The following HNF4G variants were observed in gnomAD, a reference collection of about 807,000 sequenced individuals.
HNF4G encodes the protein hepatocyte nuclear factor 4-gamma.
Under a neutral mutation model 50.9 loss-of-function variants are expected in HNF4G, and 21 were observed. That is an observed-to-expected ratio of 0.41 (90% CI 0.29 to 0.59). The LOEUF (loss-of-function observed/expected upper bound fraction) is 0.59. Ranked by LOEUF, HNF4G falls within the 20% of genes least tolerant of loss-of-function variation. The pLI is 0.26. For synonymous variants in HNF4G, 198 were observed against 185.6 expected (o/e 1.07, Z -0.54); for missense variants, 527 against 559.4 (o/e 0.94, Z 0.58).
In HNF4G at chr8:75,512,707, G is replaced by T. The variant is rs113210355; in HGVS notation, c.-24+22499G>T. 9.3e-3 allele frequency among the ~76,000 whole-genome samples: 1,409 copies of T among 151,866 alleles called. 20 individuals are homozygous for T. The highest frequency in any genetic ancestry group is 0.032 in the African/African-American group (1,325 of 41,418). ...TCTCGATATCCTGACCTCGAGATCC[G>T]CCCGCCTCCACCTCCCGAACTGCTG... On this transcript the variant is annotated intron_variant, in intron 2 of 10. Coordinates refer to the HNF4G transcript ENST00000354370.
intron 1 of HNF4G, among the ~76,000 whole-genome samples, chr8:75,437,260 G>A (rs189481469): frequency 1.3e-4 from 20 of 152,106 alleles, no homozygotes; most frequent in Non-Finnish European, 2.5e-4. Context: ...AAACATATTC[G>A]CACGTATCTA....
intron 1 of HNF4G, among the ~76,000 whole-genome samples, chr8:75,449,512 T>G (rs1458995971): frequency 6.9e-6 from 1 of 144,994 alleles, no homozygotes; most frequent in Non-Finnish European, 1.5e-5. Flanking sequence ...TTTTTTTCTT[T>G]TTTTTTTTTT....
intron 1 of HNF4G, among the ~76,000 whole-genome samples, chr8:75,542,825 G>T (rs990467241): frequency 6.6e-6 from 1 of 152,208 alleles, no homozygotes; most frequent in Non-Finnish European, 1.5e-5. Context: ...GCAGGCTGTT[G>T]CCATAATCTA....
intron 2 of HNF4G, among the ~76,000 whole-genome samples, chr8:75,531,776 G>T (rs887088990): frequency 6.6e-6 from 1 of 152,046 alleles, no homozygotes; most frequent in Non-Finnish European, 1.5e-5. Flanking sequence ...AAAAGGATGT[G>T]CATAGATTAT....
At chr8:75,483,107 TATAACAAAACA>T (rs2130662084) in intron 1 of HNF4G, among the ~76,000 whole-genome samples, 1 of 152,302 alleles carries the variant, frequency 6.6e-6, no homozygotes, top group African/African-American at 2.4e-5. Flanking sequence ...ATGATTTGTT[TATAACAAAACA>T]ATAGCTCTTT....
rs75188498 is a variant in HNF4G at position 75,504,543 on chromosome 8, T to C, written c.-24+14335T>C. Among the ~76,000 whole-genome samples, 1,170 of 152,248 alleles carry C rather than the reference T, an allele frequency of 7.7e-3. 52 individuals carry two copies. The East Asian group carries it at 0.14, about 18-fold the overall frequency. On this transcript the variant is annotated intron_variant, in intron 2 of 10. Transcript: ENST00000354370. ...ACTTTTTGGGGGAGGGCAATTTACA[T>C]TGCTGTTAGCGTTGCACGAGTGATA...
chr8:75,566,630 T>A lies in HNF4G; in HGVS notation c.*2534T>A, dbSNP rs1306876027. 1.3e-5 allele frequency: 2 copies of A among 152,468 alleles called. No individual in the cohort carries two copies. The highest frequency in any genetic ancestry group is 4.8e-5 in the African/African-American group (2 of 41,452). The allele number at this position is 152,468 out of a possible 1,614,324, so 9.4% of individuals were successfully genotyped here. A position where few individuals can be genotyped will look rare whatever the true frequency, so the allele number is the denominator to read the frequency against. ...TTATTACTTTTATATAGTATTCAAC[T>A]TTTTTCAGGTAATAGAAGTGAATAA... is the stretch of plus-strand genomic sequence containing the variant. On this transcript the variant is annotated 3_prime_UTR_variant, in exon 10 of 10. Coordinates refer to ENST00000396423, the MANE Select transcript of HNF4G (RefSeq NM_004133.5).
At chr8:75,411,881 T>G (rs1313522565) in intron 1 of HNF4G, among the ~76,000 whole-genome samples, 1 of 152,178 alleles carries the variant, frequency 6.6e-6, no homozygotes, top group Non-Finnish European at 1.5e-5. Context: ...GCCATATAAT[T>G]GGTAGGGTAA....
At chr8:75,513,836 T>C (rs2943580) in intron 2 of HNF4G, among the ~76,000 whole-genome samples, 65,155 of 151,058 alleles carry the variant, frequency 0.43, 14,544 homozygotes, top group Middle Eastern at 0.53. Flanking sequence ...ATTTTTTATT[T>C]CTGATTTTAT....
At chr8:75,468,931 G>GAA (rs567462862) in intron 1 of HNF4G, among the ~76,000 whole-genome samples, 5 of 142,720 alleles carry the variant, frequency 3.5e-5, no homozygotes, top group African/African-American at 1.0e-4. Flanking sequence ...GAGGTTAAGA[G>GAA]AAAAAAAAAA....
intron 2 of HNF4G, among the ~76,000 whole-genome samples, chr8:75,508,648 A>G (rs1004775491): frequency 3.3e-5 from 5 of 152,222 alleles, no homozygotes; most frequent in African/African-American, 4.8e-5. Context: ...AGTATTGACA[A>G]TAACAATTGA....
chr8:75,520,489 G>A (rs559873986), intron 2 of HNF4G, among the ~76,000 whole-genome samples: 1 of 151,974 alleles, frequency 6.6e-6, no homozygotes, highest in African/African-American at 2.4e-5. Flanking sequence ...TCAGGCTGGA[G>A]TACAGTGAAA....
Position 75,540,022 on chromosome 8 carries a change from G to T in HNF4G, c.60G>T (p.Leu20Phe). ...DMDMANYSEV[L>F]DPTYTTLEFE... is the part of the protein sequence containing the mutation. Reference sequence around the variant, plus strand: ...ACATGGCAAATTACAGTGAAGTTTTGGACCCAACTTACACAACTTTGGAGT... The same window carrying T: ...ACATGGCAAATTACAGTGAAGTTTTTGACCCAACTTACACAACTTTGGAGT... Residue 20 changes from leucine (L) to phenylalanine (F), a missense_variant, in exon 1 of 10, where the codon TTG (leucine) becomes TTT (phenylalanine). Leu to Phe is a conservative substitution (Grantham distance 22). Around this residue, in one of 5 missense-constraint regions of HNF4G, gnomAD observed 84 missense variants for 87.1 expected, o/e 0.96. Coordinates refer to ENST00000396423, the MANE Select transcript of HNF4G (RefSeq NM_004133.5). 1 of 1,609,246 alleles carries T rather than the reference G, an allele frequency of 6.2e-7. No individual in the cohort carries two copies. Among genetic ancestry groups the T allele is most frequent in the Non-Finnish European group, 8.5e-7 (1 of 1,175,772 alleles).
At chr8:75,436,654 C>T (rs1585841556) in intron 1 of HNF4G, among the ~76,000 whole-genome samples, 1 of 152,058 alleles carries the variant, frequency 6.6e-6, no homozygotes, top group Non-Finnish European at 1.5e-5. Flanking sequence ...TTCAAAGGGA[C>T]ATAAGAGAAT....
intron 2 of HNF4G, among the ~76,000 whole-genome samples, chr8:75,509,083 C>A (rs908926360): frequency 1.3e-5 from 2 of 152,108 alleles, no homozygotes; most frequent in African/African-American, 4.8e-5. Context: ...ATGACATACC[C>A]ATAGGACTCC....
At chr8:75,416,263 CCTGA>C (rs1284288198) in intron 1 of HNF4G, among the ~76,000 whole-genome samples, 1 of 151,916 alleles carries the variant, frequency 6.6e-6, no homozygotes, top group Admixed American at 6.6e-5. Context: ...AGGGCTCTGC[CCTGA>C]CTTTTTTCTG....
chr8:75,472,431 G>T (rs577274868), intron 1 of HNF4G, among the ~76,000 whole-genome samples: 1 of 152,236 alleles, frequency 6.6e-6, no homozygotes, highest in East Asian at 1.9e-4. Flanking sequence ...TGGTGTAGCC[G>T]AACCCTCTCA....
At chr8:75,554,540 G>A (rs993614747) in intron 5 of HNF4G, among the ~76,000 whole-genome samples, 2 of 151,990 alleles carry the variant, frequency 1.3e-5, no homozygotes, top group South Asian at 2.1e-4. Context: ...TCGGTGACAG[G>A]TGTTATTATC....
rs1462574740 is a variant in HNF4G at position 75,539,874 on chromosome 8, A to T, written c.-89A>T. 6.0e-6 allele frequency: 4 copies of T among 668,068 alleles called. No individual in the cohort carries two copies. In the African/African-American group the frequency reaches 7.4e-5, roughly 12 times the overall value. 41.4% of individuals were successfully genotyped at this position (668,068 alleles called of 1,614,324 possible). A position where few individuals can be genotyped will look rare whatever the true frequency, so the allele number is the denominator to read the frequency against. On this transcript the variant is annotated 5_prime_UTR_variant, in exon 1 of 10. Transcript: ENST00000396423. ...ACTCAGTTACAGTTAACTTTGGATTAGCACTCACAGATTGAAAGCAAAACA... is the reference window on the plus strand; with the variant it reads ...ACTCAGTTACAGTTAACTTTGGATTTGCACTCACAGATTGAAAGCAAAACA...
Sources: allele counts gnomAD v4.1 joint callset (sites outside exome capture counted in the v4.1 genomes callset), GRCh38; gene constraint gnomAD v4.1.1; regional missense constraint gnomAD v4.1.1; transcripts MANE v1.5; gene names NCBI Gene and HGNC (gene_info 2026-07-23, HGNC 2026-07-21).